Variants in FAM107B observed in about 807,000 individuals in gnomAD.
The protein encoded by FAM107B is protein FAM107B.
FAM107B carries 21 observed loss-of-function variants against 31.5 expected under a neutral mutation model. That is an observed-to-expected ratio of 0.67 (90% confidence interval 0.47 to 0.96). The LOEUF (loss-of-function observed/expected upper bound fraction) is 0.96, where lower values mean the gene tolerates loss of function less well. Among genes scored for constraint, FAM107B ranks in the 40% least tolerant of loss-of-function variants. The pLI is 0.00. For missense variants in FAM107B, 452 were observed against 377.1 expected (o/e 1.20, Z -1.64); for synonymous variants, 157 against 141.5 (o/e 1.11, Z -0.78).
intron 1 of FAM107B, among the ~76,000 whole-genome samples, chr10:14,667,904 A>T (rs1854447160): frequency 7.6e-6 from 1 of 132,380 alleles, no homozygotes; most frequent in South Asian, 2.9e-4. Context: ...GTTGGGTGAC[A>T]CAACTCCAGG....
At position 14,530,439 on chromosome 10, in the gene FAM107B, T is replaced by C; in HGVS notation, c.546A>G (p.Ile182Met). 6.2e-7 allele frequency: 1 copy of C among 1,614,190 alleles called. No individual in the cohort carries two copies. Among genetic ancestry groups the C allele is most frequent in the Non-Finnish European group, 8.5e-7 (1 of 1,180,024 alleles). ...TRSIMAEPDY[I>M]EDDNPELIRP... The stretch of plus-strand genomic sequence containing the variant: ...TAATGAGTTCAGGATTGTCATCTTC[T>C]ATGTAGTCTGGCTCGGCCATGATGC... Residue 182 changes from isoleucine to methionine, a missense_variant, in exon 3 of 5, where the codon ATA (isoleucine) becomes ATG (methionine). Ile to Met is a conservative substitution (Grantham distance 10). Transcript: ENST00000181796.
chr10:14,566,978 C>T (rs1483408572), intron 2 of FAM107B, among the ~76,000 whole-genome samples: 6 of 152,214 alleles, frequency 3.9e-5, no homozygotes, highest in South Asian at 4.1e-4. Flanking sequence ...AGTAAAACCC[C>T]GTATCCACTA....
chr10:14,655,241 C>T lies in FAM107B; in HGVS notation c.469+12393G>A, dbSNP rs76352269. ...AGGATCTGCACTTATGACCAAAACA[C>T]CTCCCTTTAGTCCCCACCTCCAACA... On this transcript the variant is annotated intron_variant, in intron 2 of 4. Coordinates refer to ENST00000181796, the MANE Select transcript of FAM107B (RefSeq NM_031453.4). 6.1e-3 allele frequency among the ~76,000 whole-genome samples: 923 copies of T among 152,302 alleles called. 8 individuals are homozygous for T. The highest frequency in any genetic ancestry group is 0.021 in the African/African-American group (884 of 41,552).
intron 1 of FAM107B, among the ~76,000 whole-genome samples, chr10:14,764,205 C>A (rs1457332763): frequency 6.6e-6 from 1 of 152,242 alleles, no homozygotes; most frequent in African/African-American, 2.4e-5. Flanking sequence ...GTCAACTTCT[C>A]ATTTGCAAAT....
intron 1 of FAM107B, among the ~76,000 whole-genome samples, chr10:14,760,823 T>G (rs1833027590): frequency 6.6e-6 from 1 of 151,648 alleles, no homozygotes; most frequent in Non-Finnish European, 1.5e-5. Flanking sequence ...GCCAGCCTGG[T>G]CAACATGGTG....
intron 1 of FAM107B, among the ~76,000 whole-genome samples, chr10:14,686,245 C>T (rs527732710): frequency 1.1e-4 from 17 of 152,132 alleles, no homozygotes; most frequent in African/African-American, 3.1e-4. Context: ...AAAAATTAGC[C>T]GGGCATGTTG....
chr10:14,636,588 C>T (rs769803301), intron 2 of FAM107B, among the ~76,000 whole-genome samples: 3 of 151,974 alleles, frequency 2.0e-5, no homozygotes, highest in Non-Finnish European at 4.4e-5. Context: ...GGATTATGGC[C>T]CACTCTAACA....
At chr10:14,594,509 AAAAAAAAAC>A (rs1852120118) in intron 2 of FAM107B, among the ~76,000 whole-genome samples, 5 of 134,002 alleles carry the variant, frequency 3.7e-5, no homozygotes, top group Non-Finnish European at 6.3e-5. Context: ...GCCAAAAAAA[AAAAAAAAAC>A]AAAAAAAAAC....
chr10:14,764,474 T>C (rs1341203654), intron 1 of FAM107B, among the ~76,000 whole-genome samples: 1 of 152,160 alleles, frequency 6.6e-6, no homozygotes, highest in Non-Finnish European at 1.5e-5. Context: ...TCCCACGGCA[T>C]TTTGATGTCC....
At chr10:14,759,980 G>A (rs905415079) in intron 1 of FAM107B, among the ~76,000 whole-genome samples, 3 of 152,108 alleles carry the variant, frequency 2.0e-5, no homozygotes, top group Non-Finnish European at 2.9e-5. Flanking sequence ...CCTAAGTGCT[G>A]GGATTACAGG....
intron 2 of FAM107B, among the ~76,000 whole-genome samples, chr10:14,560,628 G>A (rs1446700151): frequency 6.6e-6 from 1 of 152,152 alleles, no homozygotes; most frequent in East Asian, 1.9e-4. Flanking sequence ...CTGCGACAGG[G>A]GCCTCAGCAA....
At chr10:14,686,098 G>A (rs916503848) in intron 1 of FAM107B, among the ~76,000 whole-genome samples, 11 of 152,142 alleles carry the variant, frequency 7.2e-5, no homozygotes, top group Admixed American at 1.3e-4. Flanking sequence ...AATTCAAGGT[G>A]AGATTTGGGG....
chr10:14,655,579 G>A (rs1211048866), intron 2 of FAM107B, among the ~76,000 whole-genome samples: 1 of 152,132 alleles, frequency 6.6e-6, no homozygotes, highest in African/African-American at 2.4e-5. Context: ...AATATGTTAT[G>A]GTTGTGTTCA....
chr10:14,634,433 T>C (rs867843881), intron 2 of FAM107B, among the ~76,000 whole-genome samples: 5 of 151,560 alleles, frequency 3.3e-5, no homozygotes, highest in African/African-American at 1.2e-4. Context: ...AAATATATGC[T>C]TGGTGTCCAC....
At position 14,524,134 on chromosome 10, in the gene FAM107B, C is replaced by A. The variant is rs372842005; in HGVS notation, c.654-2115G>T. ...TCGGCTCACTGCAACTTCCTCCTCCCAGGTTCAAGCGATTCTCCTCCCTCA... is the reference window on the plus strand; with the variant it reads ...TCGGCTCACTGCAACTTCCTCCTCCAAGGTTCAAGCGATTCTCCTCCCTCA... On this transcript the variant is annotated intron_variant, in intron 3 of 4. Coordinates refer to ENST00000181796, the MANE Select transcript of FAM107B (RefSeq NM_031453.4). 4.0e-5 allele frequency among the ~76,000 whole-genome samples: 6 copies of A among 151,734 alleles called. No homozygotes were observed. In the South Asian group the frequency reaches 1.2e-3, roughly 31 times the overall value.
intron 1 of FAM107B, among the ~76,000 whole-genome samples, chr10:14,672,199 C>T (rs1854576861): frequency 1.3e-5 from 2 of 152,012 alleles, no homozygotes; most frequent in South Asian, 4.1e-4. Flanking sequence ...AGCGATTCTC[C>T]TGCCTCAGCC....
intron 2 of FAM107B, among the ~76,000 whole-genome samples, chr10:14,607,409 C>A (rs890934549): frequency 6.6e-6 from 1 of 152,070 alleles, no homozygotes; most frequent in Non-Finnish European, 1.5e-5. Flanking sequence ...TGGTTTGGGA[C>A]CCCTGGAGCC....
At chr10:14,604,208 G>T in intron 2 of FAM107B, 1 of 979,564 alleles carries the variant, frequency 1.0e-6, no homozygotes, top group Non-Finnish European at 1.2e-6. Flanking sequence ...CCTCGTCTTT[G>T]TGTGGAAAGT....
At chr10:14,554,263 A>G in intron 2 of FAM107B, 3 of 446,082 alleles carry the variant, frequency 6.7e-6, no homozygotes, top group Non-Finnish European at 8.9e-6. Flanking sequence ...TGCAGTTCAC[A>G]GCACTGCAGG....
Sources: gnomAD v4.1 joint callset for allele counts (sites outside exome capture counted in the v4.1 genomes callset) on GRCh38, gnomAD v4.1.1 for gene constraint, MANE v1.5 for transcripts, NCBI Gene and HGNC (gene_info 2026-07-23, HGNC 2026-07-21) for gene names.